Variants in ROBO2 observed in about 807,000 individuals in gnomAD.
ROBO2 encodes the protein roundabout homolog 2.
Under a neutral mutation model 160.8 loss-of-function variants are expected in ROBO2, and 53 were observed. That is an observed-to-expected ratio of 0.33 (90% CI 0.26 to 0.41). The LOEUF (loss-of-function observed/expected upper bound fraction) is 0.41. Among genes scored for constraint, ROBO2 ranks in the 10% least tolerant of loss-of-function variants. ROBO2 has a pLI of 1.00. For synonymous variants in ROBO2, 664 were observed against 611.7 expected, an observed-to-expected ratio of 1.09 and a Z score of -1.26; for missense variants, 1,577 against 1,722.4, an observed-to-expected ratio of 0.92 and a Z score of 1.49.
chr3:77,502,721 A>G (rs544806690), intron 5 of ROBO2, among the ~76,000 whole-genome samples: 7 of 152,334 alleles, frequency 4.6e-5, no homozygotes, highest in Admixed American at 1.3e-4. Flanking sequence ...ACAATGATTT[A>G]CGTAGCATTT....
chr3:77,432,286 C>A (rs1205241042), intron 2 of ROBO2, among the ~76,000 whole-genome samples: 1 of 152,010 alleles, frequency 6.6e-6, no homozygotes, highest in Non-Finnish European at 1.5e-5. Flanking sequence ...TCCTTTAATC[C>A]TATATTAATA....
intron 2 of ROBO2, among the ~76,000 whole-genome samples, chr3:76,641,061 T>A (rs372216081): frequency 1.3e-5 from 2 of 152,182 alleles, no homozygotes; most frequent in East Asian, 3.9e-4. Flanking sequence ...ATAGAAGAAC[T>A]GACGAAAATT....
intron 2 of ROBO2, among the ~76,000 whole-genome samples, chr3:76,337,982 T>C (rs1157036295): frequency 6.6e-6 from 1 of 152,098 alleles, no homozygotes; most frequent in African/African-American, 2.4e-5. Context: ...AGACTGAACT[T>C]GTTGTTCTGT....
At chr3:77,595,161 TGGA>T (rs765302235) in exon 18 of ROBO2, 4 of 1,612,140 alleles carry the variant, frequency 2.5e-6, no homozygotes, top group Non-Finnish European at 3.4e-6. Context: ...AAAGAGGAGA[TGGA>T]GGACTAATGA....
intron 2 of ROBO2, among the ~76,000 whole-genome samples, chr3:76,867,379 A>G (rs1331765121): frequency 6.6e-6 from 1 of 152,188 alleles, no homozygotes; most frequent in Admixed American, 6.5e-5. Flanking sequence ...AGATGGAACC[A>G]TTTTATAAAT....
chr3:77,067,428 A>G (rs370975596), intron 1 of ROBO2, among the ~76,000 whole-genome samples: 32 of 152,306 alleles, frequency 2.1e-4, no homozygotes, highest in South Asian at 1.9e-3. Flanking sequence ...GTGAGTACAG[A>G]AAAGGAAGCA....
At chr3:76,389,800 C>T (rs951443435) in intron 2 of ROBO2, among the ~76,000 whole-genome samples, 1 of 152,100 alleles carries the variant, frequency 6.6e-6, no homozygotes, top group Admixed American at 6.6e-5. Flanking sequence ...TAAGTTTCAT[C>T]GATTACATTT....
At chr3:77,382,170 T>A (rs1581513486) in intron 2 of ROBO2, among the ~76,000 whole-genome samples, 1 of 152,188 alleles carries the variant, frequency 6.6e-6, no homozygotes, top group African/African-American at 2.4e-5. Context: ...GAGCTGCCCA[T>A]TGAGTAAAAT....
At chr3:76,512,990 A>C (rs929554269) in intron 2 of ROBO2, among the ~76,000 whole-genome samples, 2 of 152,162 alleles carry the variant, frequency 1.3e-5, no homozygotes, top group African/African-American at 4.8e-5. Flanking sequence ...AAAAAATTAA[A>C]TAAACCCAGA....
chr3:76,710,877 C>A (rs2093279304), intron 2 of ROBO2, among the ~76,000 whole-genome samples: 2 of 152,096 alleles, frequency 1.3e-5, no homozygotes, highest in African/African-American at 4.8e-5. Flanking sequence ...GTGAGAAAAA[C>A]CAGACAAAAG....
chr3:76,058,589 C>CTTTTT (rs10676074), intron 2 of ROBO2, among the ~76,000 whole-genome samples: 18 of 48,858 alleles, frequency 3.7e-4, no homozygotes, highest in East Asian at 1.3e-3. Flanking sequence ...ACAGCAGAAA[C>CTTTTT]TTTTTTTTTT....
At chr3:76,733,301 G>A (rs2093663835) in intron 2 of ROBO2, among the ~76,000 whole-genome samples, 1 of 152,158 alleles carries the variant, frequency 6.6e-6, no homozygotes. Context: ...AAATGTGCTG[G>A]TTCACACAGT....
chr3:76,877,336 G>A (rs1163453193), intron 2 of ROBO2, among the ~76,000 whole-genome samples: 2 of 152,178 alleles, frequency 1.3e-5, no homozygotes, highest in Non-Finnish European at 1.5e-5. Context: ...TTCAGAATAC[G>A]ACGCTGTTAG....
chr3:76,105,491 ATATATT>A (rs779767942), intron 2 of ROBO2, among the ~76,000 whole-genome samples: 175 of 152,192 alleles, frequency 1.1e-3, no homozygotes, highest in African/African-American at 2.7e-3. Flanking sequence ...TCCCTAGATG[ATATATT>A]TATATTTCTT....
At chr3:77,584,963 T>G (rs1441313769) in intron 16 of ROBO2, among the ~76,000 whole-genome samples, 1 of 147,606 alleles carries the variant, frequency 6.8e-6, no homozygotes, top group African/African-American at 2.5e-5. Flanking sequence ...CACATATATA[T>G]ACACACATAT....
intron 2 of ROBO2, among the ~76,000 whole-genome samples, chr3:77,212,297 T>C (rs957889329): frequency 6.6e-6 from 1 of 152,168 alleles, no homozygotes; most frequent in African/African-American, 2.4e-5. Flanking sequence ...TCACATCCCT[T>C]GTAAGTTGGA....
intron 2 of ROBO2, among the ~76,000 whole-genome samples, chr3:76,272,859 TATATAAAATATATA>T (rs1236734086): frequency 5.8e-5 from 5 of 86,760 alleles, no homozygotes; most frequent in African/African-American, 2.5e-4. Flanking sequence ...ATATATAAAA[TATATAAAATATATA>T]ATATATATTT....
chr3:77,639,672 G>C (rs557827255), intron 24 of ROBO2, among the ~76,000 whole-genome samples: 41 of 152,166 alleles, frequency 2.7e-4, no homozygotes, highest in Non-Finnish European at 4.6e-4. Context: ...AAGCAAACAA[G>C]GGCTAGTGTT....
At chr3:75,920,920 G>A (rs1164874983) in intron 1 of ROBO2, among the ~76,000 whole-genome samples, 6 of 151,044 alleles carry the variant, frequency 4.0e-5, no homozygotes, top group Admixed American at 1.3e-4. Context: ...GAGCCTATGT[G>A]TGTCCTTGCA....
Sources: allele counts gnomAD v4.1 joint callset (sites outside exome capture counted in the v4.1 genomes callset), GRCh38; gene constraint gnomAD v4.1.1; transcripts MANE v1.5; gene names NCBI Gene and HGNC (gene_info 2026-07-23, HGNC 2026-07-21).